The following DLGAP2 variants were observed in gnomAD, a reference collection of about 807,000 sequenced individuals.
DLGAP2 encodes disks large-associated protein 2.
DLGAP2 carries 26 observed loss-of-function variants against 100.3 expected under a neutral mutation model. That is an observed-to-expected ratio of 0.26 (90% CI 0.19 to 0.36). The LOEUF is 0.36. Ranked by LOEUF, DLGAP2 falls within the 10% of genes least tolerant of loss-of-function variation. The pLI is 1.00. For missense variants in DLGAP2, 1,858 were observed against 1,453.2 expected (o/e 1.28, Z -4.53); for synonymous variants, 886 against 630.1 (o/e 1.41, Z -6.08).
intron 1 of DLGAP2, among the ~76,000 whole-genome samples, chr8:819,000 C>T (rs570728899): frequency 2.0e-4 from 31 of 152,256 alleles, no homozygotes; most frequent in African/African-American, 6.7e-4. Flanking sequence ...TATAGGTAAA[C>T]TCTTTAAAAC....
intron 2 of DLGAP2, among the ~76,000 whole-genome samples, chr8:945,878 GA>G (rs1484929822): frequency 2.0e-5 from 3 of 151,964 alleles, no homozygotes; most frequent in Admixed American, 1.3e-4. Context: ...TGTTTTGTCT[GA>G]AATATGTGTG....
chr8:1,058,194 G>C (rs1057408038), intron 2 of DLGAP2, among the ~76,000 whole-genome samples: 37 of 152,204 alleles, frequency 2.4e-4, no homozygotes, highest in African/African-American at 8.4e-4. Context: ...CTAGCGGCGG[G>C]TCTGGGGGTG....
chr8:1,179,705 G>A (rs1394105180), intron 2 of DLGAP2, among the ~76,000 whole-genome samples: 3 of 152,244 alleles, frequency 2.0e-5, no homozygotes, highest in Non-Finnish European at 2.9e-5. Flanking sequence ...AATATCAGGG[G>A]CCACCTTAAT....
chr8:1,295,366 A>T (rs1453418775), intron 3 of DLGAP2, among the ~76,000 whole-genome samples: 2 of 152,214 alleles, frequency 1.3e-5, no homozygotes, highest in African/African-American at 4.8e-5. Context: ...CCAGCGTGGC[A>T]GCTGCAGGCT....
At chr8:1,356,339 A>G (rs1407404746) in intron 3 of DLGAP2, among the ~76,000 whole-genome samples, 1 of 152,222 alleles carries the variant, frequency 6.6e-6, no homozygotes, top group East Asian at 1.9e-4. Flanking sequence ...TACAGGCAGT[A>G]AAACAAATCC....
At chr8:1,475,869 T>C (rs1798917877) in intron 3 of DLGAP2, among the ~76,000 whole-genome samples, 1 of 152,158 alleles carries the variant, frequency 6.6e-6, no homozygotes, top group South Asian at 2.1e-4. Context: ...CCATTTCTTG[T>C]TTTTTTCTCT....
At position 1,632,836 on chromosome 8, in the gene DLGAP2, G is replaced by T. The variant is rs1440901979; in HGVS notation, c.1600G>T (p.Ala534Ser). The T allele has an allele frequency of 1.2e-6, 2 of 1,609,508 alleles. No individual in the cohort carries two copies. Among genetic ancestry groups the T allele is most frequent in the Admixed American group, 1.7e-5 (1 of 59,822 alleles). Residue 534 changes from alanine (A) to serine (S), a missense_variant, in exon 8 of 15, where the codon GCG (alanine) becomes TCG (serine). By Grantham distance (99) the Ala-to-Ser change is moderately conservative (BLOSUM62 1). Coordinates refer to ENST00000637795, the MANE Select transcript of DLGAP2 (RefSeq NM_001346810.2). ...QASCVSQVSE[A>S]EINGQFESVC... is the part of the protein sequence containing the mutation. Reference sequence around the variant, plus strand: ...CTGTTGATGATTGCAGGTGAGCGAGGCGGAGATCAATGGGCAATTCGAGTC... The same window carrying T: ...CTGTTGATGATTGCAGGTGAGCGAGTCGGAGATCAATGGGCAATTCGAGTC...
chr8:1,322,074 A>G (rs1033215437), intron 3 of DLGAP2, among the ~76,000 whole-genome samples: 9 of 152,186 alleles, frequency 5.9e-5, no homozygotes, highest in Non-Finnish European at 1.2e-4. Flanking sequence ...ATTAGCAGAA[A>G]CCCTAGATAA....
intron 2 of DLGAP2, among the ~76,000 whole-genome samples, chr8:1,205,700 T>G (rs936111102): frequency 6.6e-6 from 1 of 152,096 alleles, no homozygotes; most frequent in East Asian, 1.9e-4. Context: ...AGCACTGGGA[T>G]TCGGACAGGT....
rs534594931 is a variant in DLGAP2 at position 1,335,987 on chromosome 8, G to A, written c.106+77104G>A. ...AGAACTGGGGCTTTGTGCTTTTTCC[G>A]GTAAAGAGCTCCAGGGGGGAAAACA... On this transcript the variant is annotated intron_variant, in intron 3 of 14. Transcript: ENST00000637795. Among the ~76,000 whole-genome samples the A allele has an allele frequency of 1.7e-3, 258 of 152,258 alleles. 1 individual carries two copies. Among genetic ancestry groups the A allele is most frequent in the Middle Eastern group, 0.01 (3 of 294 alleles).
At chr8:1,146,473 A>G (rs1796606916) in intron 2 of DLGAP2, among the ~76,000 whole-genome samples, 1 of 152,170 alleles carries the variant, frequency 6.6e-6, no homozygotes, top group Non-Finnish European at 1.5e-5. Context: ...CCATTCATCA[A>G]TATTATCCTT....
chr8:1,063,120 A>G (rs1023629737), intron 2 of DLGAP2, among the ~76,000 whole-genome samples: 11 of 152,188 alleles, frequency 7.2e-5, no homozygotes, highest in African/African-American at 2.7e-4. Flanking sequence ...GGTGCCTCTT[A>G]TCAGCTGCAT....
chr8:1,231,477 A>G (rs1585172821), intron 2 of DLGAP2, among the ~76,000 whole-genome samples: 2 of 152,308 alleles, frequency 1.3e-5, no homozygotes, highest in East Asian at 3.9e-4. Context: ...CAATCCCATT[A>G]CTGGCTATGT....
intron 2 of DLGAP2, among the ~76,000 whole-genome samples, chr8:1,046,526 C>G (rs1256783191): frequency 6.6e-6 from 1 of 152,134 alleles, no homozygotes; most frequent in Non-Finnish European, 1.5e-5. Flanking sequence ...TAAAGGGGAC[C>G]TAAGTAAGAA....
intron 3 of DLGAP2, among the ~76,000 whole-genome samples, chr8:1,269,962 G>A (rs1318543307): frequency 6.6e-6 from 1 of 152,194 alleles, no homozygotes; most frequent in African/African-American, 2.4e-5. Context: ...AATCCTGTGT[G>A]TGGAAGAAAC....
chr8:1,090,388 C>A (rs985777444), intron 2 of DLGAP2, among the ~76,000 whole-genome samples: 4 of 152,052 alleles, frequency 2.6e-5, no homozygotes, highest in African/African-American at 9.7e-5. Flanking sequence ...ACCCCGAGGA[C>A]CTGCTCCATG....
intron 2 of DLGAP2, among the ~76,000 whole-genome samples, chr8:1,252,203 C>G (rs1002775491): frequency 2.7e-5 from 4 of 150,614 alleles, no homozygotes; most frequent in Admixed American, 2.6e-4. Flanking sequence ...TGTCATGTCA[C>G]ACTTGTCACA....
intron 3 of DLGAP2, among the ~76,000 whole-genome samples, chr8:1,359,435 A>C (rs1801927169): frequency 6.6e-6 from 1 of 152,250 alleles, no homozygotes; most frequent in South Asian, 2.1e-4. Context: ...AAGTAAGGAC[A>C]GGTTGGAGCC....
intron 2 of DLGAP2, among the ~76,000 whole-genome samples, chr8:1,157,925 G>T (rs1210473329): frequency 6.6e-6 from 1 of 152,170 alleles, no homozygotes; most frequent in Non-Finnish European, 1.5e-5. Context: ...TACGTCAACA[G>T]TTATCATCCA....
Sources: gnomAD v4.1 joint callset for allele counts (sites outside exome capture counted in the v4.1 genomes callset) on GRCh38, gnomAD v4.1.1 for gene constraint, MANE v1.5 for transcripts, NCBI Gene and HGNC (gene_info 2026-07-23, HGNC 2026-07-21) for gene names.